Variants in CACNA1A observed in about 807,000 individuals in gnomAD.
CACNA1A encodes the protein calcium voltage-gated channel subunit alpha1 A.
A neutral mutation model predicts 262.4 loss-of-function variants in CACNA1A; 57 were observed. The ratio of observed to expected loss-of-function variants is 0.22; its 90% CI spans 0.18 to 0.27. CACNA1A has a LOEUF of 0.27. Ranked by LOEUF, CACNA1A falls within the 10% of genes least tolerant of loss-of-function variation. CACNA1A has a pLI of 1.00. For missense variants in CACNA1A, 2,526 were observed against 3,562.8 expected (o/e 0.71, Z 7.41); for synonymous variants, 1,431 against 1,419.3 (o/e 1.01, Z -0.18).
chr19:13,351,403 G>A (rs769753010), intron 6 of CACNA1A, among the ~76,000 whole-genome samples: 5 of 152,144 alleles, frequency 3.3e-5, no homozygotes, highest in Non-Finnish European at 5.9e-5. Context: ...GTGCAGTGGC[G>A]GGATCATAGC....
chr19:13,467,424 T>G (rs1357147449), intron 1 of CACNA1A, among the ~76,000 whole-genome samples: 1 of 151,990 alleles, frequency 6.6e-6, no homozygotes, highest in Non-Finnish European at 1.5e-5. Flanking sequence ...AAGGCTGCAG[T>G]GAGCTGTGAT....
In CACNA1A at chr19:13,283,375, G is replaced by A; in HGVS notation, c.3714C>T (p.Tyr1238=). ...TTNPLRRLCH[Y]ILNLRYFEMC... is the part of the protein sequence containing the mutation. Reference sequence around the variant, plus strand: ...TCTCAAAGTAGCGCAGGTTCAGGATGTAATGGCACAGGCGGCGAAGGCTGT... The same window carrying A: ...TCTCAAAGTAGCGCAGGTTCAGGATATAATGGCACAGGCGGCGAAGGCTGT... The change falls in exon 22 of 47, where the codon TAC becomes TAT. Residue 1238 remains tyrosine, a synonymous_variant. Coordinates refer to ENST00000360228, the MANE Select transcript of CACNA1A (RefSeq NM_001127222.2). 1 of 1,614,036 alleles carries A rather than the reference G, an allele frequency of 6.2e-7. No homozygotes were observed. Among genetic ancestry groups the A allele is most frequent in the Non-Finnish European group, 8.5e-7 (1 of 1,179,882 alleles).
chr19:13,277,264 AGGGC>A, intron 22 of CACNA1A, 136 bp from the exon 23 acceptor site: 1 of 625,694 alleles, frequency 1.6e-6, no homozygotes, highest in Non-Finnish European at 2.9e-6. Flanking sequence ...ACAGTTGCGC[AGGGC>A]GTGCACTGCA....
At chr19:13,358,421 C>G (rs1458276980) in intron 6 of CACNA1A, among the ~76,000 whole-genome samples, 2 of 152,106 alleles carry the variant, frequency 1.3e-5, no homozygotes, top group African/African-American at 4.8e-5. Flanking sequence ...GCTGGGCATA[C>G]TAGTGTGCAC....
chr19:13,336,594 G>GGAGAGGGAGAGAGAGAGAGAGAGA (rs1555768096), intron 6 of CACNA1A, among the ~76,000 whole-genome samples: 1 of 65,494 alleles, frequency 1.5e-5, no homozygotes, highest in African/African-American at 5.1e-5. Context: ...AGAGAGAGAG[G>GGAGAGGGAGAGAGAGAGAGAGAGA]GAGAGAGAGA....
At chr19:13,406,372 T>C (rs916154429) in intron 3 of CACNA1A, among the ~76,000 whole-genome samples, 2 of 148,540 alleles carry the variant, frequency 1.3e-5, no homozygotes, top group Non-Finnish European at 3.0e-5. Context: ...CAAGAGTTGC[T>C]TGAACCTGGG....
chr19:13,369,759 C>T (rs1007826682), intron 4 of CACNA1A, among the ~76,000 whole-genome samples: 1 of 152,216 alleles, frequency 6.6e-6, no homozygotes, highest in Non-Finnish European at 1.5e-5. Context: ...CTGCCTTGGC[C>T]TCCCAAAGTG....
At chr19:13,360,474 ATTTTTT>A (rs58721308) in intron 5 of CACNA1A, among the ~76,000 whole-genome samples, 2 of 126,256 alleles carry the variant, frequency 1.6e-5, no homozygotes, top group African/African-American at 6.3e-5. Flanking sequence ...TGCCACTAGA[ATTTTTT>A]TTTTTTTTTT....
At chr19:13,456,981 G>A (rs1298642903) in intron 1 of CACNA1A, among the ~76,000 whole-genome samples, 3 of 152,142 alleles carry the variant, frequency 2.0e-5, no homozygotes, top group Non-Finnish European at 4.4e-5. Context: ...CAGATGCGGT[G>A]GCTCATGCCT....
intron 34 of CACNA1A, 25 bp from the exon 35 acceptor site, chr19:13,231,885 C>T (rs2055676696): frequency 6.2e-7 from 1 of 1,603,940 alleles, no homozygotes. Flanking sequence ...AAATCAGAGA[C>T]TCGGACACCC....
At chr19:13,279,578 C>T (rs145803932) in intron 22 of CACNA1A, among the ~76,000 whole-genome samples, 2,859 of 151,910 alleles carry the variant, frequency 0.019, 43 homozygotes, top group Admixed American at 0.055. Context: ...CTCTGCCTCC[C>T]GGGTTCAAGC....
chr19:13,295,447 C>T (rs757415969), intron 19 of CACNA1A, among the ~76,000 whole-genome samples: 1 of 151,840 alleles, frequency 6.6e-6, no homozygotes, highest in African/African-American at 2.4e-5. Flanking sequence ...TTGTAATTAC[C>T]TGTGCTTTTA....
At chr19:13,247,713 A>T (rs200251640) in intron 30 of CACNA1A, among the ~76,000 whole-genome samples, 5 of 146,710 alleles carry the variant, frequency 3.4e-5, no homozygotes, top group East Asian at 2.0e-4. Flanking sequence ...TAAATAAATA[A>T]AAATAAATAA....
At chr19:13,232,173 C>T (rs1371806946) in intron 34 of CACNA1A, among the ~76,000 whole-genome samples, 1 of 151,132 alleles carries the variant, frequency 6.6e-6, no homozygotes, top group Non-Finnish European at 1.5e-5. Context: ...TTCTCTCTCT[C>T]TTTCTTTTCC....
Position 13,300,649 on chromosome 19 carries a change from T to C in CACNA1A, c.2180A>G (p.Gln727Arg), listed in dbSNP as rs1369936534. 4 of 1,613,424 alleles carry C rather than the reference T, an allele frequency of 2.5e-6. No homozygotes were observed. The highest frequency in any genetic ancestry group is 2.5e-6 in the Non-Finnish European group (3 of 1,179,526). Reference protein sequence around the residue: ...ANAQELTKDEQEEEEAANQKL... With the variant: ...ANAQELTKDEREEEEAANQKL... ...CTGGTTCGCTGCTTCTTCTTCCTCT[T>C]GCTCGTCCTAAAAGGCACGTGGAAT... The change falls in exon 18 of 47, where the codon CAA (glutamine) becomes CGA (arginine). Residue 727 changes from glutamine (Q) to arginine (R), a missense_variant. Coordinates refer to ENST00000360228, the MANE Select transcript of CACNA1A (RefSeq NM_001127222.2).
At position 13,206,883 on chromosome 19, in the gene CACNA1A, T is replaced by TGAGA. The variant is rs1284232789; in HGVS notation, c.*426_*429dup. Reference sequence around the variant, plus strand: ...TCATCAGGGAAAGGAAAGATTCAATTGAGATGATAAAACTCATCAATAGAA... The same window carrying TGAGA: ...TCATCAGGGAAAGGAAAGATTCAATTGAGAGAGATGATAAAACTCATCAATAGAA... On this transcript the variant is annotated 3_prime_UTR_variant, in exon 47 of 47. Transcript: ENST00000360228. 6.5e-6 allele frequency: 1 copy of TGAGA among 154,186 alleles called. No homozygotes were observed. The highest frequency in any genetic ancestry group is 1.5e-5 in the Non-Finnish European group (1 of 68,892). The allele number at this position is 154,186 out of a possible 1,614,324, so 9.6% of individuals were successfully genotyped here.
At chr19:13,444,900 GA>G (rs962052482) in intron 3 of CACNA1A, among the ~76,000 whole-genome samples, 1 of 152,118 alleles carries the variant, frequency 6.6e-6, no homozygotes, top group Non-Finnish European at 1.5e-5. Flanking sequence ...CACTTTGGGA[GA>G]CAGAGGTGGG....
intron 1 of CACNA1A, among the ~76,000 whole-genome samples, chr19:13,497,635 C>T (rs1458349301): frequency 1.6e-5 from 2 of 125,924 alleles, no homozygotes; most frequent in East Asian, 2.4e-4. Flanking sequence ...CCCAGCTTCT[C>T]GGGAGGCTAA....
chr19:13,413,100 GTTTTT>G (rs143741127), intron 3 of CACNA1A, among the ~76,000 whole-genome samples: 1 of 114,774 alleles, frequency 8.7e-6, no homozygotes, highest in Non-Finnish European at 1.6e-5. Flanking sequence ...AAAGTTTTTT[GTTTTT>G]TTTTTTTGTT....
Sources: allele counts gnomAD v4.1 joint callset (sites outside exome capture counted in the v4.1 genomes callset), GRCh38; gene constraint gnomAD v4.1.1; transcripts MANE v1.5; gene names NCBI Gene and HGNC (gene_info 2026-07-23, HGNC 2026-07-21).